The following SLC22A24 variants were observed in gnomAD, a reference collection of about 807,000 sequenced individuals.
SLC22A24 encodes the protein steroid transmembrane transporter SLC22A24.
In SLC22A24, 53 loss-of-function variants were observed where a neutral mutation model predicts 49.8. The ratio of observed to expected loss-of-function variants is 1.06; its 90% CI spans 0.85 to 1.34. SLC22A24 has a LOEUF of 1.34. Ranked by LOEUF, SLC22A24 falls within the 40% of genes most tolerant of loss-of-function variation. SLC22A24 has a pLI of 0.00. For missense variants in SLC22A24, 786 were observed against 675.9 expected (o/e 1.16, Z -1.81); for synonymous variants, 302 against 256.4 (o/e 1.18, Z -1.70).
chr11:63,115,507 C>T (rs1177698655), intron 4 of SLC22A24, among the ~76,000 whole-genome samples: 1 of 152,196 alleles, frequency 6.6e-6, no homozygotes, highest in Non-Finnish European at 1.5e-5. Context: ...AATCCCCCAA[C>T]CCCTTGCACT....
At chr11:63,135,017 G>A (rs1288609941) in intron 1 of SLC22A24, among the ~76,000 whole-genome samples, 1 of 152,060 alleles carries the variant, frequency 6.6e-6, no homozygotes, top group Non-Finnish European at 1.5e-5. Context: ...ATATCCACAT[G>A]TCTACAAGTC....
chr11:63,131,325 G>A (rs899322966), intron 2 of SLC22A24, among the ~76,000 whole-genome samples: 1 of 152,122 alleles, frequency 6.6e-6, no homozygotes, highest in African/African-American at 2.4e-5. Flanking sequence ...TCATTATGAT[G>A]TTAGCTGGTT....
At chr11:63,086,366 C>A (rs1002580898) in intron 6 of SLC22A24, among the ~76,000 whole-genome samples, 4 of 152,102 alleles carry the variant, frequency 2.6e-5, no homozygotes, top group African/African-American at 7.2e-5. Context: ...TAAAGAGGAA[C>A]AAGATCCTGT....
intron 4 of SLC22A24, among the ~76,000 whole-genome samples, chr11:63,111,686 G>A (rs1365580910): frequency 6.6e-6 from 1 of 151,116 alleles, no homozygotes; most frequent in Non-Finnish European, 1.5e-5. Flanking sequence ...CTGTGGGATC[G>A]GTGGTGATAT....
At chr11:63,138,144 T>TC (rs2087388480) in intron 1 of SLC22A24, among the ~76,000 whole-genome samples, 1 of 152,170 alleles carries the variant, frequency 6.6e-6, no homozygotes, top group African/African-American at 2.4e-5. Context: ...AGCAGGCTGG[T>TC]CAGTTACAAA....
At chr11:63,095,021 A>C (rs900802374) in intron 6 of SLC22A24, among the ~76,000 whole-genome samples, 1 of 152,082 alleles carries the variant, frequency 6.6e-6, no homozygotes, top group African/African-American at 2.4e-5. Context: ...TTTTGTTGCC[A>C]TTGCTTTTGG....
rs1218158576 is a variant in SLC22A24, at chr11:63,113,127, CAT to C, written c.830+5783_830+5784del. On this transcript the variant is annotated intron_variant, in intron 4 of 9. Transcript: ENST00000612278. ...ACATATATATACACATATATATATACATATATATATACACATATATATATACA... is the reference window on the plus strand; with the variant it reads ...ACATATATATACACATATATATATACATATATATACACATATATATATACA... Among the ~76,000 whole-genome samples the C allele has an allele frequency of 5.3e-4, 4 of 7,534 alleles. 1 individual carries two copies. Among genetic ancestry groups the C allele is most frequent in the African/African-American group, 1.5e-3 (4 of 2,634 alleles). The allele number at this position is 7,534 out of a possible 152,430, so 4.9% of individuals were successfully genotyped here.
chr11:63,092,218 A>G (rs1279239335), intron 6 of SLC22A24, among the ~76,000 whole-genome samples: 4 of 151,796 alleles, frequency 2.6e-5, no homozygotes, highest in Non-Finnish European at 4.4e-5. Context: ...CTTCTTCAAG[A>G]AGAACTACAT....
chr11:63,125,494 T>C (rs964691971), intron 2 of SLC22A24, among the ~76,000 whole-genome samples: 1 of 152,206 alleles, frequency 6.6e-6, no homozygotes, highest in Non-Finnish European at 1.5e-5. Flanking sequence ...AACTCATCCT[T>C]TTTTATGGCT....
At chr11:63,081,524 T>C (rs955639280) in intron 8 of SLC22A24, 34 bp downstream of exon 8, 9 of 1,442,950 alleles carry the variant, frequency 6.2e-6, no homozygotes, top group Admixed American at 2.0e-5. Context: ...CAGAAATTTG[T>C]GTTTTGAAAC....
In SLC22A24 at chr11:63,081,080, C is replaced by T. The variant is rs1278605159; in HGVS notation, c.1438G>A (p.Ala480Thr). Residue 480 changes from alanine to threonine, a missense_variant, in exon 9 of 10, where the codon GCA (alanine) becomes ACA (threonine). Physicochemically the swap from Ala to Thr is moderately conservative, Grantham distance 58. Transcript: ENST00000612278. ...GTCATCAACAGAGGAGCCAGTGCTGCCCCAGTCCTACCGGACACTGCATTG... is the reference window on the plus strand; with the variant it reads ...GTCATCAACAGAGGAGCCAGTGCTGTCCCAGTCCTACCGGACACTGCATTG... Reference protein sequence around the residue: ...GINAVSGRTGAALAPLLMTLM... With the variant: ...GINAVSGRTGTALAPLLMTLM... The T allele has an allele frequency of 1.3e-5, 20 of 1,551,344 alleles. No homozygotes were observed. The highest frequency in any genetic ancestry group is 1.7e-5 in the Non-Finnish European group (19 of 1,146,816).
intron 5 of SLC22A24, among the ~76,000 whole-genome samples, chr11:63,099,547 G>A (rs2087078010): frequency 6.6e-6 from 1 of 151,504 alleles, no homozygotes; most frequent in Admixed American, 6.6e-5. Flanking sequence ...AAAAATACGG[G>A]AGGAGAAAAT....
At chr11:63,127,570 G>A (rs1013406869) in intron 2 of SLC22A24, among the ~76,000 whole-genome samples, 1 of 152,122 alleles carries the variant, frequency 6.6e-6, no homozygotes, top group African/African-American at 2.4e-5. Context: ...TTCCACAATG[G>A]TTGAATTAAC....
chr11:63,137,171 AACTAGT>A (rs2087381228), intron 1 of SLC22A24, among the ~76,000 whole-genome samples: 1 of 151,816 alleles, frequency 6.6e-6, no homozygotes, highest in Non-Finnish European at 1.5e-5. Flanking sequence ...GGTTCTTTCT[AACTAGT>A]AGGAAGAGTC....
intron 1 of SLC22A24, among the ~76,000 whole-genome samples, chr11:63,139,692 A>G (rs2087400980): frequency 6.6e-6 from 1 of 152,172 alleles, no homozygotes; most frequent in Non-Finnish European, 1.5e-5. Context: ...CTCCCAAAGT[A>G]TTTCCCTCCT....
At chr11:63,104,918 C>A (rs2087111192) in intron 4 of SLC22A24, among the ~76,000 whole-genome samples, 1 of 152,158 alleles carries the variant, frequency 6.6e-6, no homozygotes, top group South Asian at 2.1e-4. Flanking sequence ...AAAGTCTCTT[C>A]TGAGACAAGG....
At chr11:63,111,497 T>C (rs1300984402) in intron 4 of SLC22A24, among the ~76,000 whole-genome samples, 1 of 152,100 alleles carries the variant, frequency 6.6e-6, no homozygotes, top group Admixed American at 6.6e-5. Flanking sequence ...TTTTGGTTGG[T>C]AAGCTATTGA....
chr11:63,110,266 T>G (rs553449598), intron 4 of SLC22A24, among the ~76,000 whole-genome samples: 2 of 152,154 alleles, frequency 1.3e-5, no homozygotes, highest in Non-Finnish European at 2.9e-5. Context: ...TAGTATAGTT[T>G]GAAGTCAGGT....
At chr11:63,140,467 G>T (rs865822354) in intron 1 of SLC22A24, among the ~76,000 whole-genome samples, 2 of 152,152 alleles carry the variant, frequency 1.3e-5, no homozygotes, top group East Asian at 1.9e-4. Context: ...TATCAGATCT[G>T]CTAAATGCCT....
Sources: gnomAD v4.1 joint callset for allele counts (sites outside exome capture counted in the v4.1 genomes callset) on GRCh38, gnomAD v4.1.1 for gene constraint, MANE v1.5 for transcripts, NCBI Gene and HGNC (gene_info 2026-07-23, HGNC 2026-07-21) for gene names.